Variants in CAP1 observed in about 807,000 individuals in gnomAD.
The protein encoded by CAP1 is adenylyl cyclase-associated protein 1.
In CAP1, 11 loss-of-function variants were observed where a neutral mutation model predicts 58.2. That is an observed-to-expected ratio of 0.19 (90% CI 0.12 to 0.31). The LOEUF is 0.31. CAP1 is among the 10% of genes least tolerant of loss of function. CAP1 has a pLI of 1.00. For synonymous variants in CAP1, 183 were observed against 213.8 expected (o/e 0.86, Z 1.26); for missense variants, 423 against 587.5 (o/e 0.72, Z 2.89).
At chr1:40,045,876 CAG>C in intron 1 of CAP1, among the ~76,000 whole-genome samples, 1 of 152,098 alleles carries the variant, frequency 6.6e-6, no homozygotes, top group Non-Finnish European at 1.5e-5. Flanking sequence ...TTTTCAGAGA[CAG>C]GGTCTTGCTA....
intron 1 of CAP1, among the ~76,000 whole-genome samples, chr1:40,046,992 C>A (rs962071443): frequency 9.9e-5 from 15 of 152,102 alleles, no homozygotes; most frequent in African/African-American, 3.6e-4. Flanking sequence ...AGGCTGGTCT[C>A]AAACTCCTGA....
chr1:40,059,383 AGGGCAGT>A lies in CAP1; in HGVS notation c.42_48del (p.Val15AlafsTer43). 6.2e-7 allele frequency: 1 copy of A among 1,613,646 alleles called. No individual in the cohort carries two copies. Among genetic ancestry groups the A allele is most frequent in the Non-Finnish European group, 8.5e-7 (1 of 1,179,594 alleles). On this transcript the variant is annotated frameshift_variant, in exon 2 of 13. Transcript: ENST00000372805. LOFTEE classifies it high-confidence loss of function. ...GCAAAATCTGGTAGAAAGATTGGAG[AGGGCAGT>A]GGGCCGCCTGGAGGCAGTATCTCAT...
Position 40,070,794 on chromosome 1 carries a change from T to C in CAP1, c.1201-42T>C, listed in dbSNP as rs760104032. On this transcript the variant is annotated intron_variant, in intron 11 of 12. Coordinates refer to ENST00000372805, the MANE Select transcript of CAP1 (RefSeq NM_006367.4). The stretch of plus-strand genomic sequence containing the variant: ...CTTTTCCTGCGACTTACTGTTGTCC[T>C]TCCCAACCACTGGGACTCAGTTCTC... The C allele has an allele frequency of 7.8e-5, 123 of 1,567,248 alleles. 3 individuals are homozygous for C. The South Asian group carries it at 1.3e-3, about 17-fold the overall frequency.
chr1:40,065,558 A>G (rs1647032530), intron 6 of CAP1, among the ~76,000 whole-genome samples: 1 of 152,210 alleles, frequency 6.6e-6, no homozygotes, highest in Admixed American at 6.5e-5. Flanking sequence ...GTTTTGATAT[A>G]TCCCACCATT....
At chr1:40,049,201 T>TTG (rs1646246206) in intron 1 of CAP1, among the ~76,000 whole-genome samples, 1 of 142,942 alleles carries the variant, frequency 7.0e-6, no homozygotes, top group South Asian at 2.3e-4. Flanking sequence ...TTTTTTTTTT[T>TTG]TTTGAGACAG....
upstream of CAP1, chr1:40,040,605 G>A (rs1645766114): frequency 6.5e-6 from 1 of 152,800 alleles, no homozygotes; most frequent in African/African-American, 2.4e-5. Flanking sequence ...GGCGAAGAGG[G>A]GCGGAGTCAC....
At chr1:40,054,158 T>G (rs193045042) in intron 1 of CAP1, among the ~76,000 whole-genome samples, 56 of 151,504 alleles carry the variant, frequency 3.7e-4, no homozygotes, top group Non-Finnish European at 2.1e-4. Flanking sequence ...TATTTATTTA[T>G]TTTCTTACTC....
chr1:40,049,682 A>G (rs1462510015), intron 1 of CAP1, among the ~76,000 whole-genome samples: 2 of 152,038 alleles, frequency 1.3e-5, no homozygotes, highest in Non-Finnish European at 2.9e-5. Flanking sequence ...CCTAGGCTTT[A>G]TTTCTAAATA....
At chr1:40,051,409 C>G (rs959377320) in intron 1 of CAP1, among the ~76,000 whole-genome samples, 2 of 147,536 alleles carry the variant, frequency 1.4e-5, no homozygotes, top group East Asian at 4.2e-4. Context: ...CACACACACA[C>G]ACAAAAGCCA....
Position 40,071,126 on chromosome 1 carries a change from T to G in CAP1, c.1344+147T>G, listed in dbSNP as rs1016774944. On this transcript the variant is annotated intron_variant, in intron 12 of 12. Coordinates refer to ENST00000372805, the MANE Select transcript of CAP1 (RefSeq NM_006367.4). Reference sequence around the variant, plus strand: ...CCAAAAGTACACAGAAATGAGGTAGTCCCATGTAGTGGAGCCCCAAAGGTA... The same window carrying G: ...CCAAAAGTACACAGAAATGAGGTAGGCCCATGTAGTGGAGCCCCAAAGGTA... The G allele has an allele frequency of 1.6e-5, 13 of 796,394 alleles. No individual in the cohort carries two copies. In the African/African-American group the frequency reaches 2.2e-4, roughly 14 times the overall value. The allele number at this position is 796,394 out of a possible 1,614,324, so 49.3% of individuals were successfully genotyped here.
In CAP1 at chr1:40,059,370, A is replaced by G. The variant is rs560563326; in HGVS notation, c.24A>G (p.Val8=). The G allele has an allele frequency of 2.2e-5, 36 of 1,612,920 alleles. No individual in the cohort carries two copies. Among genetic ancestry groups the G allele is most frequent in the Non-Finnish European group, 2.5e-6 (3 of 1,178,886 alleles). ...TTATGGCTGACATGCAAAATCTGGT[A>G]GAAAGATTGGAGAGGGCAGTGGGCC... is the stretch of plus-strand genomic sequence containing the variant. MADMQNL[V]ERLERAVGRL... The change falls in exon 2 of 13, where the codon GTA becomes GTG. Residue 8 remains valine, a synonymous_variant. Coordinates refer to ENST00000372805, the MANE Select transcript of CAP1 (RefSeq NM_006367.4).
At position 40,066,299 on chromosome 1, in the gene CAP1, C is replaced by T. The variant is rs774079016; in HGVS notation, c.609C>T (p.Thr203=). The change falls in exon 7 of 13, where the codon ACC becomes ACT. Residue 203 remains threonine (T), a synonymous_variant. Coordinates refer to ENST00000372805, the MANE Select transcript of CAP1 (RefSeq NM_006367.4). Reference sequence around the variant, plus strand: ...CTTACATTAAGGAGTTCCATACCACCGGACTGGCCTGGAGCAAAACGGTTA... The same window carrying T: ...CTTACATTAAGGAGTTCCATACCACTGGACTGGCCTGGAGCAAAACGGTTA... ...LQAYIKEFHT[T]GLAWSKTGPV... 2.3e-5 allele frequency: 37 copies of T among 1,594,708 alleles called. No homozygotes were observed. In the Admixed American group the frequency reaches 3.3e-4, roughly 14 times the overall value.
At chr1:40,062,122 A>T (rs2124368686) in intron 4 of CAP1, among the ~76,000 whole-genome samples, 1 of 152,192 alleles carries the variant, frequency 6.6e-6, no homozygotes, top group East Asian at 1.9e-4. Context: ...TTTAAAGATG[A>T]TTCTCTTGCT....
At chr1:40,058,244 T>C (rs780519616) in intron 1 of CAP1, among the ~76,000 whole-genome samples, 4 of 152,226 alleles carry the variant, frequency 2.6e-5, no homozygotes, top group Non-Finnish European at 5.9e-5. Flanking sequence ...CTCATCTTCA[T>C]TTGAAGGCTG....
intron 6 of CAP1, among the ~76,000 whole-genome samples, chr1:40,065,479 A>T (rs1376670715): frequency 6.6e-6 from 1 of 152,246 alleles, no homozygotes; most frequent in Non-Finnish European, 1.5e-5. Context: ...CCTTCCTGTG[A>T]GTGAAATGTG....
In CAP1 at chr1:40,071,928, T is replaced by C. The variant is rs1648116931; in HGVS notation, c.*395T>C. 9.7e-6 allele frequency: 4 copies of C among 411,742 alleles called. No homozygotes were observed. Among genetic ancestry groups the C allele is most frequent in the Non-Finnish European group, 1.7e-5 (4 of 232,558 alleles). 25.5% of individuals were successfully genotyped at this position (411,742 alleles called of 1,614,324 possible). On this transcript the variant is annotated 3_prime_UTR_variant, in exon 13 of 13. Transcript: ENST00000372805. ...ACACTGGTTAATCTTTTTTTAACAA[T>C]GAGCATGAAGGTAGCAGAAGCTGGT...
At chr1:40,064,786 G>C (rs568453166) in intron 6 of CAP1, among the ~76,000 whole-genome samples, 201 of 152,144 alleles carry the variant, frequency 1.3e-3, no homozygotes, top group African/African-American at 4.7e-3. Flanking sequence ...TGTTTCCCAG[G>C]CTGGTCTCTA....
At position 40,069,198 on chromosome 1, in the gene CAP1, T is replaced by G. The variant is rs375836680; in HGVS notation, c.809-492T>G. ...TTAAGTGTCAATAGTTGAACTAAATTTGTTAACAATCTGTATGATTATAAC... is the reference window on the plus strand; with the variant it reads ...TTAAGTGTCAATAGTTGAACTAAATGTGTTAACAATCTGTATGATTATAAC... On this transcript the variant is annotated intron_variant, in intron 8 of 12. Coordinates refer to ENST00000372805, the MANE Select transcript of CAP1 (RefSeq NM_006367.4). Among the ~76,000 whole-genome samples the G allele has an allele frequency of 3.6e-4, 55 of 152,356 alleles. No individual in the cohort carries two copies. The East Asian group carries it at 5.0e-3, about 14-fold the overall frequency.
intron 1 of CAP1, among the ~76,000 whole-genome samples, chr1:40,055,015 G>T (rs1646549116): frequency 6.6e-6 from 1 of 152,182 alleles, no homozygotes; most frequent in Non-Finnish European, 1.5e-5. Context: ...GCACAGTGTT[G>T]TGGTAGCACA....
Sources: gnomAD v4.1 joint callset for allele counts (sites outside exome capture counted in the v4.1 genomes callset) on GRCh38, gnomAD v4.1.1 for gene constraint, MANE v1.5 for transcripts, NCBI Gene and HGNC (gene_info 2026-07-23, HGNC 2026-07-21) for gene names.